Variants in RBFOX1 observed in about 807,000 individuals in gnomAD.
The protein encoded by RBFOX1 is RNA binding fox-1 homolog 1.
In RBFOX1, 8 loss-of-function variants were observed where a neutral mutation model predicts 57.7. The observed-to-expected ratio is 0.14, with a 90% confidence interval of 0.08 to 0.25. The LOEUF (loss-of-function observed/expected upper bound fraction) is 0.25, where lower values mean the gene tolerates loss of function less well. RBFOX1 is among the 10% of genes least tolerant of loss of function. The pLI is 1.00. For synonymous variants in RBFOX1, 326 were observed against 222.4 expected, an observed-to-expected ratio of 1.47 and a Z score of -4.15; for missense variants, 611 against 548.5, an observed-to-expected ratio of 1.11 and a Z score of -1.14.
chr16:6,540,116 C>T (rs1338157144), intron 2 of RBFOX1, among the ~76,000 whole-genome samples: 1 of 152,150 alleles, frequency 6.6e-6, no homozygotes. Flanking sequence ...TTGAAGAACC[C>T]ATGTTTTTAG....
Position 7,218,032 on chromosome 16 carries a change from C to T in RBFOX1, c.27+165934C>T, listed in dbSNP as rs115376304. 4.7e-3 allele frequency among the ~76,000 whole-genome samples: 711 copies of T among 150,226 alleles called. 4 individuals carry two copies. The highest frequency in any genetic ancestry group is 0.016 in the African/African-American group (640 of 40,758). ...TGTTTGTACGTGTGTGGGGTGTGTG[C>T]GCGCGTGTGCGTGCATTTGCATGCG... On this transcript the variant is annotated intron_variant, in intron 4 of 15. Transcript: ENST00000550418.
intron 3 of RBFOX1, among the ~76,000 whole-genome samples, chr16:5,659,659 A>T (rs1194241628): frequency 6.6e-6 from 1 of 152,194 alleles, no homozygotes; most frequent in East Asian, 1.9e-4. Context: ...GTTAGTGGAT[A>T]GGATTCAGGG....
At chr16:7,482,055 A>C (rs553664190) in intron 4 of RBFOX1, among the ~76,000 whole-genome samples, 1 of 152,360 alleles carries the variant, frequency 6.6e-6, no homozygotes, top group South Asian at 2.1e-4. Flanking sequence ...ATTGCCTACA[A>C]ATCAAGCCGT....
At chr16:5,790,396 A>G (rs1485018217) in intron 3 of RBFOX1, among the ~76,000 whole-genome samples, 1 of 152,134 alleles carries the variant, frequency 6.6e-6, no homozygotes, top group African/African-American at 2.4e-5. Context: ...ATGGGGCCGT[A>G]GGAATGGCTT....
intron 1 of RBFOX1, among the ~76,000 whole-genome samples, chr16:6,164,763 C>T (rs1254742470): frequency 3.9e-5 from 6 of 152,026 alleles, no homozygotes; most frequent in Non-Finnish European, 8.8e-5. Flanking sequence ...CCCACCGTGC[C>T]CAGCCTATAT....
chr16:6,828,958 G>C (rs1325794068), intron 3 of RBFOX1, among the ~76,000 whole-genome samples: 1 of 151,580 alleles, frequency 6.6e-6, no homozygotes, highest in African/African-American at 2.4e-5. Context: ...CCCCTTTCTT[G>C]AGTGTGTACT....
At chr16:5,498,491 C>T (rs2043077902) in intron 2 of RBFOX1, among the ~76,000 whole-genome samples, 1 of 152,164 alleles carries the variant, frequency 6.6e-6, no homozygotes, top group South Asian at 2.1e-4. Flanking sequence ...TGTTTTTGTT[C>T]AGTTTCTTTG....
At chr16:5,259,229 A>C (rs1458829131) in intron 1 of RBFOX1, among the ~76,000 whole-genome samples, 1 of 152,032 alleles carries the variant, frequency 6.6e-6, no homozygotes, top group Non-Finnish European at 1.5e-5. Context: ...ATGTTTCTAC[A>C]ACCCTTAGGA....
chr16:6,194,663 A>ACT lies in RBFOX1; in HGVS notation c.-126-122331_-126-122330dup, dbSNP rs921065775. 1.2e-4 allele frequency among the ~76,000 whole-genome samples: 18 copies of ACT among 152,150 alleles called. 1 individual carries two copies. The highest frequency in any genetic ancestry group is 4.3e-4 in the African/African-American group (18 of 41,438). ...TCCAGGCATTCTTTCCCTGAGTGCCACTGGCTCTTTGTCTCATTTTCTGGG... is the reference window on the plus strand; with the variant it reads ...TCCAGGCATTCTTTCCCTGAGTGCCACTCTGGCTCTTTGTCTCATTTTCTGGG... On this transcript the variant is annotated intron_variant, in intron 1 of 15. Transcript: ENST00000550418.
At chr16:7,027,653 G>C (rs982408589) in intron 3 of RBFOX1, among the ~76,000 whole-genome samples, 9 of 152,198 alleles carry the variant, frequency 5.9e-5, no homozygotes, top group African/African-American at 2.2e-4. Flanking sequence ...TCATTATTCA[G>C]CTTTCAAAAG....
chr16:6,836,445 G>A (rs1313288828), intron 3 of RBFOX1, among the ~76,000 whole-genome samples: 1 of 152,088 alleles, frequency 6.6e-6, no homozygotes, highest in Non-Finnish European at 1.5e-5. Flanking sequence ...TATTTGTTTG[G>A]GGATTCTGCT....
chr16:7,570,807 T>C (rs146788560), intron 5 of RBFOX1, among the ~76,000 whole-genome samples: 204 of 152,290 alleles, frequency 1.3e-3, no homozygotes, highest in African/African-American at 4.6e-3. Context: ...TGCAGCACTA[T>C]TCACAATAGC....
chr16:7,605,702 A>G (rs1364981976), intron 9 of RBFOX1, among the ~76,000 whole-genome samples: 1 of 152,200 alleles, frequency 6.6e-6, no homozygotes, highest in Non-Finnish European at 1.5e-5. Context: ...TCTTACTGTC[A>G]AAAATACCTT....
rs117564018 is a variant in RBFOX1, at chr16:7,343,803, C to G, written c.28-174344C>G. Among the ~76,000 whole-genome samples the G allele has an allele frequency of 6.6e-5, 10 of 152,108 alleles. 1 individual carries two copies. Among genetic ancestry groups the G allele is most frequent in the African/African-American group, 2.4e-4 (10 of 41,418 alleles). On this transcript the variant is annotated intron_variant, in intron 4 of 15. Coordinates refer to ENST00000550418, the MANE Select transcript of RBFOX1 (RefSeq NM_018723.4). ...CTGGGACCTTGGATGCCATTTGCTA[C>G]CTGTGTGACCTTGGCACAGTTTTTC...
At chr16:7,540,113 G>A (rs2082531542) in intron 5 of RBFOX1, among the ~76,000 whole-genome samples, 1 of 152,120 alleles carries the variant, frequency 6.6e-6, no homozygotes, top group South Asian at 2.1e-4. Context: ...CATTGGTGGT[G>A]GGATTCTTCT....
intron 3 of RBFOX1, among the ~76,000 whole-genome samples, chr16:6,842,004 G>T (rs1012385137): frequency 1.3e-5 from 2 of 151,798 alleles, no homozygotes; most frequent in African/African-American, 4.8e-5. Flanking sequence ...TTAGCCGGGC[G>T]TGGTGGCGGG....
intron 1 of RBFOX1, among the ~76,000 whole-genome samples, chr16:6,104,346 G>T (rs1380378417): frequency 6.6e-6 from 1 of 152,052 alleles, no homozygotes; most frequent in African/African-American, 2.4e-5. Context: ...AGAACTTAAA[G>T]AATAAATACC....
Position 7,463,744 on chromosome 16 carries a change from A to G in RBFOX1, c.28-54403A>G, listed in dbSNP as rs114908461. Among the ~76,000 whole-genome samples the G allele has an allele frequency of 2.9e-3, 446 of 152,304 alleles. 3 individuals carry two copies. Among genetic ancestry groups the G allele is most frequent in the African/African-American group, 0.01 (431 of 41,566 alleles). Reference sequence around the variant, plus strand: ...TATTTGGGGGGCCGTTCTGCCTACTACAATGATCTCATCACAATGATAAAT... The same window carrying G: ...TATTTGGGGGGCCGTTCTGCCTACTGCAATGATCTCATCACAATGATAAAT... On this transcript the variant is annotated intron_variant, in intron 4 of 15. Coordinates refer to ENST00000550418, the MANE Select transcript of RBFOX1 (RefSeq NM_018723.4).
chr16:7,133,691 T>G (rs1014854145), intron 4 of RBFOX1, among the ~76,000 whole-genome samples: 1 of 152,222 alleles, frequency 6.6e-6, no homozygotes, highest in African/African-American at 2.4e-5. Flanking sequence ...AATTGTTTAT[T>G]TAATAAGTGG....
Sources: gnomAD v4.1 joint callset for allele counts (sites outside exome capture counted in the v4.1 genomes callset) on GRCh38, gnomAD v4.1.1 for gene constraint, MANE v1.5 for transcripts, NCBI Gene and HGNC (gene_info 2026-07-23, HGNC 2026-07-21) for gene names.